The following HDAC7 variants were observed in gnomAD, a reference collection of about 807,000 sequenced individuals.
The protein encoded by HDAC7 is histone deacetylase 7A.
HDAC7 carries 26 observed loss-of-function variants against 115.5 expected under a neutral mutation model. That is an observed-to-expected ratio of 0.23 (90% CI 0.16 to 0.31). The LOEUF (loss-of-function observed/expected upper bound fraction) is 0.31, where lower values mean the gene tolerates loss of function less well. Among genes scored for constraint, HDAC7 ranks in the 10% least tolerant of loss-of-function variants. The pLI, the probability that HDAC7 is intolerant of heterozygous loss-of-function variation, is 1.00. For synonymous variants in HDAC7, 564 were observed against 550.9 expected (o/e 1.02, Z -0.33); for missense variants, 1,068 against 1,329.0 (o/e 0.80, Z 3.05).
intron 1 of HDAC7, among the ~76,000 whole-genome samples, chr12:47,804,523 T>G (rs1281225860): frequency 3.5e-5 from 4 of 112,926 alleles, no homozygotes; most frequent in African/African-American, 1.6e-4. Context: ...GGGGTCAGCC[T>G]GAAAAAAAAA....
chr12:47,804,704 T>A (rs1480801847), intron 1 of HDAC7, among the ~76,000 whole-genome samples: 1 of 152,158 alleles, frequency 6.6e-6, no homozygotes, highest in Non-Finnish European at 1.5e-5. Flanking sequence ...CTGGGGCATG[T>A]GGGCCTACCA....
At chr12:47,818,901 G>T (rs1271184816) in intron 1 of HDAC7, among the ~76,000 whole-genome samples, 1 of 152,216 alleles carries the variant, frequency 6.6e-6, no homozygotes, top group Admixed American at 6.5e-5. Context: ...TGGGGCACTG[G>T]GTGGCCTGCG....
At chr12:47,806,182 G>C (rs1180456469) in intron 1 of HDAC7, among the ~76,000 whole-genome samples, 1 of 152,262 alleles carries the variant, frequency 6.6e-6, no homozygotes, top group Non-Finnish European at 1.5e-5. Context: ...AGGGAGCTGA[G>C]AGTGGGCTGG....
chr12:47,792,590 T>C, intron 13 of HDAC7: 1 of 453,910 alleles, frequency 2.2e-6, no homozygotes, highest in Non-Finnish European at 4.4e-6. Flanking sequence ...GGAGGGTCAA[T>C]TTCTGTGCGT....
chr12:47,817,896 T>C (rs1944893515), intron 1 of HDAC7: 1 of 152,266 alleles, frequency 6.6e-6, no homozygotes. Flanking sequence ...AAGGGTTTTA[T>C]ATCAGAATTG....
In HDAC7 at chr12:47,787,726, G is replaced by A. The variant is rs758383958; in HGVS notation, c.2439C>T (p.Tyr813=). The A allele has an allele frequency of 6.2e-7, 1 of 1,610,728 alleles. No homozygotes were observed. Among genetic ancestry groups the A allele is most frequent in the Admixed American group, 1.7e-5 (1 of 59,758 alleles). The change falls in exon 21 of 26, where the codon TAC becomes TAT. Residue 813 remains tyrosine, a synonymous_variant. Transcript: ENST00000080059. ...AGAGCACGTACCTGAAAGCAGCCAG[G>A]TACTCAGGATCCCCCATGGGGGGGT... The part of the protein sequence containing the change: ...GLDPPMGDPE[Y]LAAFRIVVMP...
intron 1 of HDAC7, among the ~76,000 whole-genome samples, chr12:47,816,908 G>T (rs57559473): frequency 3.3e-5 from 5 of 152,092 alleles, no homozygotes; most frequent in African/African-American, 7.2e-5. Flanking sequence ...CCCCCAGCCC[G>T]CGAGTCCATG....
intron 19 of HDAC7, 164 bp downstream of exon 19, chr12:47,789,097 A>G: frequency 1.5e-6 from 1 of 660,866 alleles, no homozygotes; most frequent in East Asian, 2.5e-5. Flanking sequence ...TAGGCCTCCC[A>G]ACTGTGATGT....
In HDAC7 at chr12:47,798,695, G is replaced by C. The variant is rs1470677975; in HGVS notation, c.259-43C>G. On this transcript the variant is annotated intron_variant, in intron 3 of 25. Transcript: ENST00000080059. The surrounding 1 kb of genome is among the most constrained non-coding windows in gnomAD (Gnocchi z 4.3). Reference sequence around the variant, plus strand: ...AGCCCAGAAAGGGACAAGGAGTTGAGGACTGAGACTGGTGTCTAGGGATGC... The same window carrying C: ...AGCCCAGAAAGGGACAAGGAGTTGACGACTGAGACTGGTGTCTAGGGATGC... 2 of 1,587,834 alleles carry C rather than the reference G, an allele frequency of 1.3e-6. No homozygotes were observed. Among genetic ancestry groups the C allele is most frequent in the African/African-American group, 2.7e-5 (2 of 74,308 alleles).
Position 47,797,291 on chromosome 12 carries a change from GC to G in HDAC7, c.577+92del. On this transcript the variant is annotated intron_variant, in intron 6 of 25. Transcript: ENST00000080059. This position sits in a 1 kb window ranked among gnomAD's most constrained non-coding sequence, Gnocchi z 5.5. Reference sequence around the variant, plus strand: ...AGCCTACCGATGATCTCCTGGCCCAGCCCAGCCCGCCCACCCCTGCACACTC... The same window carrying G: ...AGCCTACCGATGATCTCCTGGCCCAGCCAGCCCGCCCACCCCTGCACACTC... 7.5e-7 allele frequency: 1 copy of G among 1,336,212 alleles called. No individual in the cohort carries two copies. Among genetic ancestry groups the G allele is most frequent in the Non-Finnish European group, 1.1e-6 (1 of 948,970 alleles). 82.8% of individuals were successfully genotyped at this position (1,336,212 alleles called of 1,614,324 possible).
intron 12 of HDAC7, 90 bp downstream of exon 12, chr12:47,794,670 G>A: frequency 7.5e-7 from 1 of 1,325,344 alleles, no homozygotes; most frequent in Non-Finnish European, 1.0e-6. Flanking sequence ...CTGTTGCACT[G>A]ATGTCGTATC....
rs551936752 is a variant in HDAC7 at position 47,793,545 on chromosome 12, C to T, written c.1502G>A (p.Arg501Gln). Residue 501 changes from arginine (R) to glutamine (Q), a missense_variant, in exon 13 of 26, where the codon CGG becomes CAG. Transcript: ENST00000080059. The surrounding 1 kb of genome is among the most constrained non-coding windows in gnomAD (Gnocchi z 4.5). ...EQQRLAGRLPRGSTGDTVLLP... is the reference protein window; with the variant it reads ...EQQRLAGRLPQGSTGDTVLLP... ...CAGCACAGTGTCCCCGGTGCTGCCC[C>T]GGGGGAGCCGCCCAGCCAGTCGCTG... The T allele has an allele frequency of 4.1e-5, 63 of 1,546,734 alleles. No homozygotes were observed. The Admixed American group carries it at 6.5e-4, about 16-fold the overall frequency.
chr12:47,785,403 G>C lies in HDAC7; in HGVS notation c.2775C>G (p.Ala925=). ...PNLNAIRSLE[A]VIRVHSKYWG... ...CACACTTACTGTGCACCCGGATCAC[G>C]GCCTCCAGAGAGCGGATGGCATTGA... Residue 925 remains alanine, a synonymous_variant, in exon 24 of 26, where the codon GCC becomes GCG. Transcript: ENST00000080059. The C allele has an allele frequency of 1.2e-6, 2 of 1,611,284 alleles. No homozygotes were observed. The highest frequency in any genetic ancestry group is 8.5e-7 in the Non-Finnish European group (1 of 1,178,784).
rs1320239810 is a variant in HDAC7 at position 47,794,876 on chromosome 12, G to A, written c.1342C>T (p.Leu448=). The part of the protein sequence containing the change: ...RLRQIPSAED[L]ETDGGGPGQV... ...CCCGGTCCCCCGCCATCTGTCTCCA[G>A]GTCTTCAGCCGAGGGTATCTGCCGC... The change falls in exon 12 of 26, where the codon CTG becomes TTG. Residue 448 remains leucine (L), a synonymous_variant. Transcript: ENST00000080059. 2 of 1,613,298 alleles carry A rather than the reference G, an allele frequency of 1.2e-6. No homozygotes were observed. The highest frequency in any genetic ancestry group is 2.7e-5 in the African/African-American group (2 of 74,912).
intron 21 of HDAC7, 150 bp downstream of exon 21, chr12:47,787,562 G>A (rs1943240109): frequency 3.3e-6 from 2 of 609,458 alleles, no homozygotes; most frequent in Admixed American, 3.0e-5. Context: ...TCTTCTCTCT[G>A]TTTGTCCTAT....
At chr12:47,784,629 G>T in intron 24 of HDAC7, 1 of 1,267,736 alleles carries the variant, frequency 7.9e-7, no homozygotes, top group Non-Finnish European at 1.1e-6. Context: ...CCCCACCAGT[G>T]CTCAGCCCAG....
Position 47,803,936 on chromosome 12 carries a change from A to C in HDAC7, c.20-1662T>G, listed in dbSNP as rs1319476333. On this transcript the variant is annotated intron_variant, in intron 1 of 25. Coordinates refer to ENST00000080059, the MANE Select transcript of HDAC7 (RefSeq NM_015401.5). The surrounding 1 kb of genome is among the most constrained non-coding windows in gnomAD (Gnocchi z 4.0). ...ACTGGGCTCCAGGGTGCACTCCCAG[A>C]GACTGTGTCAGGCTGAGTCCCCTGC... is the stretch of plus-strand genomic sequence containing the variant. Among the ~76,000 whole-genome samples, 1 of 152,116 alleles carries C rather than the reference A, an allele frequency of 6.6e-6. No individual in the cohort carries two copies. The highest frequency in any genetic ancestry group is 2.4e-5 in the African/African-American group (1 of 41,416).
rs544394802 is a variant in HDAC7, at chr12:47,794,924, T to C, written c.1294A>G (p.Lys432Glu). The stretch of plus-strand genomic sequence containing the variant: ...CGCAGCCGGGGCTTCTCACTCGGCT[T>C]GGCTGACCTCTGGGGAGGGGAGAAC... ...THVQVIKRSA[K>E]PSEKPRLRQI... is the part of the protein sequence containing the mutation. Residue 432 changes from lysine to glutamate, a missense_variant, in exon 12 of 26, where the codon AAG (lysine) becomes GAG (glutamate). Lys to Glu is a moderately conservative substitution (Grantham distance 56). Transcript: ENST00000080059. 2 of 1,611,626 alleles carry C rather than the reference T, an allele frequency of 1.2e-6. No individual in the cohort carries two copies. Among genetic ancestry groups the C allele is most frequent in the East Asian group, 2.2e-5 (1 of 44,836 alleles).
chr12:47,815,054 T>C (rs1385446430), intron 1 of HDAC7, among the ~76,000 whole-genome samples: 1 of 152,178 alleles, frequency 6.6e-6, no homozygotes, highest in East Asian at 1.9e-4. Flanking sequence ...CTGTACCCAG[T>C]GCCTAGAACA....
Sources: allele counts gnomAD v4.1 joint callset (sites outside exome capture counted in the v4.1 genomes callset), GRCh38; gene constraint gnomAD v4.1.1; non-coding constraint Gnocchi (gnomAD v3.1); transcripts MANE v1.5; gene names NCBI Gene and HGNC (gene_info 2026-07-23, HGNC 2026-07-21).